Variants in CFAP299 observed in about 807,000 individuals in gnomAD.
CFAP299 encodes the protein cilia and flagella associated protein 299.
CFAP299 carries 21 observed loss-of-function variants against 27.0 expected under a neutral mutation model. That is an observed-to-expected ratio of 0.78 (90% confidence interval 0.55 to 1.12). The LOEUF (loss-of-function observed/expected upper bound fraction) is 1.12, where lower values mean the gene tolerates loss of function less well. Among genes scored for constraint, CFAP299 ranks in the 50% most tolerant of loss-of-function variants. CFAP299 has a pLI of 0.00. For missense variants in CFAP299, 310 were observed against 276.6 expected (o/e 1.12, Z -0.86); for synonymous variants, 104 against 98.1 (o/e 1.06, Z -0.36).
chr4:80,329,913 C>A, the CFAP299 span, among the ~76,000 whole-genome samples: 1 of 152,174 alleles, frequency 6.6e-6, no homozygotes. Context: ...CACCTCATCT[C>A]TGGGGTTTTA....
chr4:80,442,155 C>T (rs533540503), intron 2 of CFAP299, among the ~76,000 whole-genome samples: 3 of 152,256 alleles, frequency 2.0e-5, no homozygotes, highest in East Asian at 1.9e-4. Flanking sequence ...ATTTACAAGA[C>T]AGAAAATTAA....
At chr4:80,476,679 T>C (rs1018519106) in intron 2 of CFAP299, among the ~76,000 whole-genome samples, 3 of 152,188 alleles carry the variant, frequency 2.0e-5, no homozygotes, top group African/African-American at 7.2e-5. Context: ...TCTTCATCAT[T>C]ATTTGTGTCA....
At position 80,624,439 on chromosome 4, in the gene CFAP299, T is replaced by C. The variant is rs116636707; in HGVS notation, c.333+41256T>C. On this transcript the variant is annotated intron_variant, in intron 3 of 5. Transcript: ENST00000358105. ...ACTGAAGGGGGATTATTTAAAAATA[T>C]ACAGAGGAGAAAAAAAGAAATATAA... is the stretch of plus-strand genomic sequence containing the variant. Among the ~76,000 whole-genome samples, 879 of 151,600 alleles carry C rather than the reference T, an allele frequency of 5.8e-3. 6 individuals carry two copies. The highest frequency in any genetic ancestry group is 0.02 in the African/African-American group (820 of 41,394).
chr4:80,827,276 A>G lies in CFAP299; in HGVS notation c.334-42717A>G, dbSNP rs143909428. Among the ~76,000 whole-genome samples the G allele has an allele frequency of 7.2e-4, 109 of 151,956 alleles. 1 individual carries two copies. The East Asian group carries it at 0.019, about 27-fold the overall frequency. On this transcript the variant is annotated intron_variant, in intron 3 of 5. Coordinates refer to ENST00000358105, the MANE Select transcript of CFAP299 (RefSeq NM_152770.3). ...CACTGCAAGAAAACTGTAGACCACT[A>G]TCCCTTATAAACATTGATACAAATA...
In CFAP299 at chr4:80,799,861, ATAT is replaced by A. The variant is rs1560417683; in HGVS notation, c.334-70128_334-70126del. Reference sequence around the variant, plus strand: ...ATTATATTATATAATATATAAATATATATTATATATATTATATTATATAATATA... The same window carrying A: ...ATTATATTATATAATATATAAATATATATATATATTATATTATATAATATA... On this transcript the variant is annotated intron_variant, in intron 3 of 5. Coordinates refer to ENST00000358105, the MANE Select transcript of CFAP299 (RefSeq NM_152770.3). Among the ~76,000 whole-genome samples the A allele has an allele frequency of 1.7e-3, 51 of 30,838 alleles. 4 individuals carry two copies. The highest frequency in any genetic ancestry group is 7.9e-3 in the African/African-American group (49 of 6,210). 20.2% of individuals were successfully genotyped at this position (30,838 alleles called of 152,430 possible). A position where few individuals can be genotyped will look rare whatever the true frequency, so the allele number is the denominator to read the frequency against.
At chr4:80,367,085 G>A (rs1723872351) in intron 2 of CFAP299, among the ~76,000 whole-genome samples, 1 of 152,130 alleles carries the variant, frequency 6.6e-6, no homozygotes, top group Non-Finnish European at 1.5e-5. Context: ...ATGAATATGA[G>A]GTTTCTTCTT....
At chr4:80,660,265 G>A (rs1357421205) in intron 3 of CFAP299, among the ~76,000 whole-genome samples, 4 of 152,032 alleles carry the variant, frequency 2.6e-5, no homozygotes, top group Non-Finnish European at 4.4e-5. Flanking sequence ...CAATAGCATA[G>A]AAGATAAAAA....
chr4:80,650,866 G>T (rs1740241972), intron 3 of CFAP299, among the ~76,000 whole-genome samples: 1 of 151,872 alleles, frequency 6.6e-6, no homozygotes, highest in Non-Finnish European at 1.5e-5. Flanking sequence ...CAGGGGAAAG[G>T]ATGGGAAGGG....
intron 3 of CFAP299, among the ~76,000 whole-genome samples, chr4:80,848,297 TA>T (rs1466158305): frequency 1.3e-5 from 2 of 152,118 alleles, no homozygotes; most frequent in East Asian, 3.9e-4. Flanking sequence ...TGATGAGTAC[TA>T]ACATAGAAAC....
At chr4:80,955,024 A>C (rs1177162584) in intron 5 of CFAP299, among the ~76,000 whole-genome samples, 3 of 108,710 alleles carry the variant, frequency 2.8e-5, no homozygotes, top group Non-Finnish European at 6.2e-5. Context: ...AAAAAAAAAA[A>C]AAAAAAAAAA....
chr4:80,506,025 A>T (rs9942236), intron 2 of CFAP299, among the ~76,000 whole-genome samples: 40,750 of 150,314 alleles, frequency 0.27, 8,222 homozygotes, highest in African/African-American at 0.56. Context: ...TATATATATA[A>T]AAATAATAAC....
chr4:80,565,325 A>C (rs547055737), intron 2 of CFAP299, among the ~76,000 whole-genome samples: 1 of 152,216 alleles, frequency 6.6e-6, no homozygotes, highest in South Asian at 2.1e-4. Flanking sequence ...GTCTGTTACT[A>C]CTATGGCATA....
chr4:80,499,649 A>G (rs1194901476), intron 2 of CFAP299, among the ~76,000 whole-genome samples: 2 of 152,106 alleles, frequency 1.3e-5, no homozygotes, highest in African/African-American at 4.8e-5. Flanking sequence ...TTAAGAGGAA[A>G]AATTTAATTC....
At chr4:80,344,659 TGATACC>T (rs1350725218) in intron 1 of CFAP299, among the ~76,000 whole-genome samples, 1 of 152,198 alleles carries the variant, frequency 6.6e-6, no homozygotes, top group Non-Finnish European at 1.5e-5. Flanking sequence ...AGTATTATCC[TGATACC>T]ATAACTTGGC....
chr4:80,421,484 T>A (rs1329840502), intron 2 of CFAP299, among the ~76,000 whole-genome samples: 1 of 152,200 alleles, frequency 6.6e-6, no homozygotes. Flanking sequence ...ACAAAAGTAT[T>A]ATTTAGAATT....
intron 3 of CFAP299, among the ~76,000 whole-genome samples, chr4:80,835,180 G>A (rs1008532374): frequency 5.9e-5 from 9 of 152,018 alleles, no homozygotes; most frequent in Middle Eastern, 3.4e-3. Flanking sequence ...GCAGTGGCTC[G>A]ATCTCGGCTC....
intron 3 of CFAP299, among the ~76,000 whole-genome samples, chr4:80,760,607 C>T (rs1725494289): frequency 6.6e-6 from 1 of 152,164 alleles, no homozygotes; most frequent in African/African-American, 2.4e-5. Flanking sequence ...TATATTGATT[C>T]ATTTATCCTG....
At chr4:80,407,203 C>A (rs1361949042) in intron 2 of CFAP299, among the ~76,000 whole-genome samples, 4 of 151,944 alleles carry the variant, frequency 2.6e-5, no homozygotes, top group African/African-American at 4.8e-5. Context: ...TAAAAGCCAA[C>A]AGAGTATAGC....
intron 2 of CFAP299, among the ~76,000 whole-genome samples, chr4:80,440,337 C>T (rs989003803): frequency 1.4e-4 from 22 of 152,216 alleles, no homozygotes; most frequent in South Asian, 4.2e-4. Flanking sequence ...CCCTCTGGGA[C>T]GATGCTTCCA....
Sources: allele counts gnomAD v4.1 joint callset (sites outside exome capture counted in the v4.1 genomes callset), GRCh38; gene constraint gnomAD v4.1.1; transcripts MANE v1.5; gene names NCBI Gene and HGNC (gene_info 2026-07-23, HGNC 2026-07-21).